The following GLIS3 variants were observed in gnomAD, a reference collection of about 807,000 sequenced individuals.
GLIS3 encodes GLIS family zinc finger 3.
A neutral mutation model predicts 78.6 loss-of-function variants in GLIS3; 53 were observed. The ratio of observed to expected loss-of-function variants is 0.67; its 90% CI spans 0.54 to 0.85. The LOEUF is 0.85. Among genes scored for constraint, GLIS3 ranks in the 40% least tolerant of loss-of-function variants. GLIS3 has a pLI of 0.00. For missense variants in GLIS3, 1,703 were observed against 1,231.1 expected (o/e 1.38, Z -5.74); for synonymous variants, 684 against 509.9 (o/e 1.34, Z -4.60).
chr9:4,189,549 T>C (rs1010742203), intron 2 of GLIS3, among the ~76,000 whole-genome samples: 20 of 152,306 alleles, frequency 1.3e-4, no homozygotes, highest in Non-Finnish European at 2.2e-4. Flanking sequence ...TGGGTATCGT[T>C]GTTAACTTTC....
chr9:4,175,053 C>T lies in GLIS3; in HGVS notation c.389-49112G>A, dbSNP rs575738210. ...CAAGCACATGGTTTTCTGAGCTCAGCACTCCTTCCTTCTTTTAAAGAGCAG... is the reference window on the plus strand; with the variant it reads ...CAAGCACATGGTTTTCTGAGCTCAGTACTCCTTCCTTCTTTTAAAGAGCAG... On this transcript the variant is annotated intron_variant, in intron 2 of 10. Coordinates refer to ENST00000381971, the MANE Select transcript of GLIS3 (RefSeq NM_001042413.2). Among the ~76,000 whole-genome samples the T allele has an allele frequency of 2.0e-5, 3 of 152,288 alleles. No individual in the cohort carries two copies. The East Asian group carries it at 5.8e-4, about 29-fold the overall frequency.
chr9:4,451,086 G>T, the GLIS3 span, among the ~76,000 whole-genome samples: 110 of 152,330 alleles, frequency 7.2e-4, no homozygotes, highest in Middle Eastern at 0.01. Flanking sequence ...CCATCAGTGT[G>T]CTGTATTCAG....
chr9:4,182,411 G>C (rs1005646537), intron 2 of GLIS3, among the ~76,000 whole-genome samples: 1 of 152,130 alleles, frequency 6.6e-6, no homozygotes, highest in Admixed American at 6.5e-5. Flanking sequence ...ATCTTAACCA[G>C]GTAGGGTAAT....
At chr9:4,282,400 G>T (rs1029895174) in intron 2 of GLIS3, among the ~76,000 whole-genome samples, 6 of 152,148 alleles carry the variant, frequency 3.9e-5, no homozygotes, top group Admixed American at 1.3e-4. Flanking sequence ...TCCCTAATGT[G>T]GGTGGTTCTC....
At chr9:4,432,638 CTT>C in the GLIS3 span, among the ~76,000 whole-genome samples, 91 of 113,516 alleles carry the variant, frequency 8.0e-4, no homozygotes, top group East Asian at 6.2e-3. Flanking sequence ...TTTTTATTTC[CTT>C]TTTTTTTTTT....
chr9:3,871,514 A>G (rs575426043), intron 8 of GLIS3, among the ~76,000 whole-genome samples: 1 of 152,270 alleles, frequency 6.6e-6, no homozygotes, highest in South Asian at 2.1e-4. Context: ...TGAAATCTAG[A>G]CAGACGTTCC....
At chr9:4,136,080 C>G (rs941432718) in intron 2 of GLIS3, among the ~76,000 whole-genome samples, 1 of 152,130 alleles carries the variant, frequency 6.6e-6, no homozygotes, top group African/African-American at 2.4e-5. Flanking sequence ...TATTCAGGGG[C>G]AAAGCAATCG....
intron 4 of GLIS3, among the ~76,000 whole-genome samples, chr9:4,058,522 T>C (rs1826336659): frequency 6.6e-6 from 1 of 152,094 alleles, no homozygotes; most frequent in African/African-American, 2.4e-5. Flanking sequence ...TTTTTTCCAA[T>C]AAGTCCTGGA....
chr9:4,037,734 C>T (rs932470156), intron 4 of GLIS3, among the ~76,000 whole-genome samples: 3 of 152,186 alleles, frequency 2.0e-5, no homozygotes, highest in Non-Finnish European at 4.4e-5. Flanking sequence ...AATTTCAAAC[C>T]TCAGATTGTC....
chr9:4,004,483 G>A (rs752539352), intron 4 of GLIS3, among the ~76,000 whole-genome samples: 1 of 152,190 alleles, frequency 6.6e-6, no homozygotes, highest in Non-Finnish European at 1.5e-5. Flanking sequence ...AAGGTGATGG[G>A]ATGAAAGGAG....
At chr9:4,021,138 A>G (rs190124663) in intron 4 of GLIS3, among the ~76,000 whole-genome samples, 6 of 151,202 alleles carry the variant, frequency 4.0e-5, no homozygotes, top group African/African-American at 1.5e-4. Context: ...TATATACTAT[A>G]GTATGCTATA....
chr9:4,009,647 G>C (rs1254056296), intron 4 of GLIS3, among the ~76,000 whole-genome samples: 19 of 152,168 alleles, frequency 1.2e-4, no homozygotes, highest in Non-Finnish European at 1.5e-5. Flanking sequence ...GCAGAAGAAT[G>C]GCAGTTCCAG....
At chr9:4,349,921 T>C (rs1817943194), upstream of GLIS3, among the ~76,000 whole-genome samples, 1 of 152,208 alleles carries the variant, frequency 6.6e-6, no homozygotes, top group Non-Finnish European at 1.5e-5. Context: ...GTGGGGCCTG[T>C]CCTGGCAAGA....
chr9:4,258,702 C>A (rs904912820), intron 2 of GLIS3, among the ~76,000 whole-genome samples: 60 of 152,158 alleles, frequency 3.9e-4, no homozygotes, highest in African/African-American at 1.4e-3. Flanking sequence ...AGTGGCAGAA[C>A]TGGGGGTGAT....
chr9:4,326,548 A>T (rs141921169), intron 2 of GLIS3, among the ~76,000 whole-genome samples: 36 of 143,532 alleles, frequency 2.5e-4, no homozygotes, highest in African/African-American at 8.5e-4. Context: ...GGAGGGAGGA[A>T]TGGGGGTTAT....
intron 1 of GLIS3, among the ~76,000 whole-genome samples, chr9:4,287,768 C>T (rs547329323): frequency 6.6e-6 from 1 of 152,302 alleles, no homozygotes; most frequent in Admixed American, 6.5e-5. Context: ...AGGAGAAACA[C>T]TTTTTGTGAA....
At position 3,825,016 on chromosome 9, in the gene GLIS3, CAAAT is replaced by C. The variant is rs1817656090; in HGVS notation, c.*3252_*3255del. On this transcript the variant is annotated 3_prime_UTR_variant, in exon 11 of 11. Coordinates refer to ENST00000381971, the MANE Select transcript of GLIS3 (RefSeq NM_001042413.2). ...CATAAAATGACATGGCCAAGACAGT[CAAAT>C]AAAATACCAAATAATTAAATTGAAA... 1 of 150,980 alleles carries C rather than the reference CAAAT, an allele frequency of 6.6e-6. No individual in the cohort carries two copies. The highest frequency in any genetic ancestry group is 2.4e-5 in the African/African-American group (1 of 41,016). 9.4% of individuals were successfully genotyped at this position (150,980 alleles called of 1,614,324 possible).
chr9:4,053,438 A>C (rs1444753046), intron 4 of GLIS3, among the ~76,000 whole-genome samples: 1 of 151,986 alleles, frequency 6.6e-6, no homozygotes, highest in Non-Finnish European at 1.5e-5. Context: ...CAATCTCTTC[A>C]CAGCACTTTC....
At chr9:4,226,551 T>C (rs557753728) in intron 2 of GLIS3, among the ~76,000 whole-genome samples, 205 of 152,042 alleles carry the variant, frequency 1.3e-3, no homozygotes, top group Non-Finnish European at 2.2e-3. Context: ...AATGGTAAGG[T>C]GGAGCTAAGC....
Sources: allele counts gnomAD v4.1 joint callset (sites outside exome capture counted in the v4.1 genomes callset), GRCh38; gene constraint gnomAD v4.1.1; transcripts MANE v1.5; gene names NCBI Gene and HGNC (gene_info 2026-07-23, HGNC 2026-07-21).